The following SSTR4 variants were observed in gnomAD, a reference collection of about 807,000 sequenced individuals.
SSTR4 encodes somatostatin receptor 4, also known as somatostatin receptor type 4.
For missense variants in SSTR4, 649 were observed against 540.6 expected, an observed-to-expected ratio of 1.20 and a Z score of -1.99; for synonymous variants, 272 against 246.3, an observed-to-expected ratio of 1.10 and a Z score of -0.98.
In SSTR4 at chr20:23,036,217, C is replaced by A. The variant is rs35136964; in HGVS notation, c.734C>A (p.Ala245Asp). ...AAGATGCGCGCCGTGGCCCTGCGCGCTGGCTGGCAGCAGCGCAGGCGCTCG... is the reference window on the plus strand; with the variant it reads ...AAGATGCGCGCCGTGGCCCTGCGCGATGGCTGGCAGCAGCGCAGGCGCTCG... ...VGKMRAVALR[A>D]GWQQRRRSEK... Residue 245 changes from alanine to aspartate, a missense_variant, in exon 1 of 1, where the codon GCT becomes GAT. Coordinates refer to ENST00000255008, the MANE Select transcript of SSTR4 (RefSeq NM_001052.4). 2,267 of 1,613,770 alleles carry A rather than the reference C, an allele frequency of 1.4e-3. 4 individuals carry two copies. Among genetic ancestry groups the A allele is most frequent in the Non-Finnish European group, 1.7e-3 (2,038 of 1,179,934 alleles).
Position 23,035,837 on chromosome 20 carries a change from G to A in SSTR4, c.354G>A (p.Leu118=), listed in dbSNP as rs779989244. The A allele has an allele frequency of 6.9e-6, 11 of 1,599,062 alleles. No individual in the cohort carries two copies. The highest frequency in any genetic ancestry group is 1.3e-5 in the African/African-American group (1 of 74,662). Residue 118 remains leucine, a synonymous_variant, in exon 1 of 1, where the codon CTG becomes CTA. Coordinates refer to ENST00000255008, the MANE Select transcript of SSTR4 (RefSeq NM_001052.4). ...GCCACTGGCCCTTCGGCTCCGTGCT[G>A]TGCCGCGCGGTGCTCAGCGTCGACG... ...ALRHWPFGSV[L]CRAVLSVDGL...
chr20:23,038,221 A>G lies in SSTR4; in HGVS notation c.*1571A>G, dbSNP rs900775076. On this transcript the variant is annotated 3_prime_UTR_variant, in exon 1 of 1. Transcript: ENST00000255008. ...AAACTGCATTATTTCTTTGTTCCTC[A>G]GTGTCTGACAATGCCTGCCAGGATG... The G allele has an allele frequency of 6.6e-6, 1 of 152,100 alleles. No individual in the cohort carries two copies. Among genetic ancestry groups the G allele is most frequent in the Non-Finnish European group, 1.5e-5 (1 of 68,024 alleles). 9.4% of individuals were successfully genotyped at this position (152,100 alleles called of 1,614,324 possible).
rs761134345 is a variant in SSTR4, at chr20:23,035,967, G to A, written c.484G>A (p.Val162Met). 1.9e-6 allele frequency: 3 copies of A among 1,607,272 alleles called. No homozygotes were observed. The highest frequency in any genetic ancestry group is 1.7e-5 in the Admixed American group (1 of 59,694). ...LRAATYRRPSVAKLINLGVWL... is the reference protein window; with the variant it reads ...LRAATYRRPSMAKLINLGVWL... ...CGCGGCGACCTACCGGCGGCCCAGC[G>A]TGGCCAAGCTCATCAACCTGGGCGT... The change falls in exon 1 of 1, where the codon GTG (valine) becomes ATG (methionine). Residue 162 changes from valine (V) to methionine (M), a missense_variant. Transcript: ENST00000255008.
chr20:23,036,459 CT>C lies in SSTR4; in HGVS notation c.977del (p.Leu326ProfsTer145), dbSNP rs1984327814. On this transcript the variant is annotated frameshift_variant, in exon 1 of 1. Transcript: ENST00000255008. LOFTEE classifies it low-confidence loss of function (END_TRUNC). ...DNFRRFFQRV[L>X]CLRCCLLEGA... ...CTTCCGCCGATTCTTCCAGCGGGTT[CT>C]CTGCCTGCGCTGCTGCCTCCTGGAA... The C allele has an allele frequency of 6.2e-7, 1 of 1,613,624 alleles. No individual in the cohort carries two copies. The highest frequency in any genetic ancestry group is 1.7e-5 in the Admixed American group (1 of 59,976).
Position 23,036,745 on chromosome 20 carries a change from A to C in SSTR4, c.*95A>C. 1 of 1,360,132 alleles carries C rather than the reference A, an allele frequency of 7.4e-7. No homozygotes were observed. Among genetic ancestry groups the C allele is most frequent in the Non-Finnish European group, 1.0e-6 (1 of 998,178 alleles). The allele number at this position is 1,360,132 out of a possible 1,614,324, so 84.3% of individuals were successfully genotyped here. A position where few individuals can be genotyped will look rare whatever the true frequency, so the allele number is the denominator to read the frequency against. On this transcript the variant is annotated 3_prime_UTR_variant, in exon 1 of 1. Coordinates refer to ENST00000255008, the MANE Select transcript of SSTR4 (RefSeq NM_001052.4). Reference sequence around the variant, plus strand: ...GACTGCATCTCCTGAATGCTCACCTAAGCTCCACCACCTGTTCCTTCCAGC... The same window carrying C: ...GACTGCATCTCCTGAATGCTCACCTCAGCTCCACCACCTGTTCCTTCCAGC...
chr20:23,037,770 C>T lies in SSTR4; in HGVS notation c.*1120C>T, dbSNP rs932028829. Among the ~76,000 whole-genome samples, 42 of 152,332 alleles carry T rather than the reference C, an allele frequency of 2.8e-4. No individual in the cohort carries two copies. Among genetic ancestry groups the T allele is most frequent in the African/African-American group, 1.0e-3 (42 of 41,578 alleles). ...GAACTTGGAACACTTATGTTAGCAT[C>T]TGGTGTAACAACATAGGAACATGTA... On this transcript the variant is annotated 3_prime_UTR_variant, in exon 1 of 1. Coordinates refer to ENST00000255008, the MANE Select transcript of SSTR4 (RefSeq NM_001052.4).
rs1295792719 is a variant in SSTR4, at chr20:23,036,463, G to T, written c.980G>T (p.Cys327Phe). 6.2e-7 allele frequency: 1 copy of T among 1,613,584 alleles called. No homozygotes were observed. Among genetic ancestry groups the T allele is most frequent in the Non-Finnish European group, 8.5e-7 (1 of 1,179,804 alleles). Residue 327 changes from cysteine to phenylalanine, a missense_variant, in exon 1 of 1, where the codon TGC becomes TTC. Physicochemically the swap from Cys to Phe is radical, Grantham distance 205. Coordinates refer to ENST00000255008, the MANE Select transcript of SSTR4 (RefSeq NM_001052.4). The stretch of plus-strand genomic sequence containing the variant: ...CGCCGATTCTTCCAGCGGGTTCTCT[G>T]CCTGCGCTGCTGCCTCCTGGAAGGT... ...NFRRFFQRVLCLRCCLLEGAG... is the reference protein window; with the variant it reads ...NFRRFFQRVLFLRCCLLEGAG...
In SSTR4 at chr20:23,035,483, C is replaced by A; in HGVS notation, c.-1C>A. 9 of 1,519,302 alleles carry A rather than the reference C, an allele frequency of 5.9e-6. No homozygotes were observed. The highest frequency in any genetic ancestry group is 1.2e-5 in the South Asian group (1 of 80,982). The allele number at this position is 1,519,302 out of a possible 1,614,324, so 94.1% of individuals were successfully genotyped here. A position where few individuals can be genotyped will look rare whatever the true frequency, so the allele number is the denominator to read the frequency against. On this transcript the variant is annotated 5_prime_UTR_variant, in exon 1 of 1. Coordinates refer to ENST00000255008, the MANE Select transcript of SSTR4 (RefSeq NM_001052.4). Reference sequence around the variant, plus strand: ...GCTGCCCTGCGCCGGCACCCCTGGTCATGAGCGCCCCCTCGACGCTGCCCC... The same window carrying A: ...GCTGCCCTGCGCCGGCACCCCTGGTAATGAGCGCCCCCTCGACGCTGCCCC...
In SSTR4 at chr20:23,036,238, G is replaced by C; in HGVS notation, c.755G>C (p.Arg252Pro). Residue 252 changes from arginine (R) to proline (P), a missense_variant, in exon 1 of 1, where the codon CGC becomes CCC. Arg to Pro is a moderately radical substitution (Grantham distance 103, BLOSUM62 -2). Coordinates refer to ENST00000255008, the MANE Select transcript of SSTR4 (RefSeq NM_001052.4). ...CGCGCTGGCTGGCAGCAGCGCAGGC[G>C]CTCGGAGAAGAAAATCACCAGGCTG... ...ALRAGWQQRR[R>P]SEKKITRLVL... The C allele has an allele frequency of 6.2e-7, 1 of 1,614,064 alleles. No individual in the cohort carries two copies. The highest frequency in any genetic ancestry group is 8.5e-7 in the Non-Finnish European group (1 of 1,180,028).
chr20:23,035,789 C>A lies in SSTR4; in HGVS notation c.306C>A (p.Phe102Leu). ...ADELFMLSVP[F>L]VASSAALRHW... The stretch of plus-strand genomic sequence containing the variant: ...AGCTCTTCATGCTGAGCGTGCCCTT[C>A]GTGGCCTCGTCGGCCGCCCTGCGCC... Residue 102 changes from phenylalanine to leucine, a missense_variant, in exon 1 of 1, where the codon TTC (phenylalanine) becomes TTA (leucine). Coordinates refer to ENST00000255008, the MANE Select transcript of SSTR4 (RefSeq NM_001052.4). 6.3e-7 allele frequency: 1 copy of A among 1,594,362 alleles called. No homozygotes were observed. Among genetic ancestry groups the A allele is most frequent in the Non-Finnish European group, 8.6e-7 (1 of 1,169,328 alleles).
chr20:23,036,267 C>G lies in SSTR4; in HGVS notation c.784C>G (p.Leu262Val). The G allele has an allele frequency of 1.2e-6, 2 of 1,614,176 alleles. No homozygotes were observed. The highest frequency in any genetic ancestry group is 1.7e-6 in the Non-Finnish European group (2 of 1,180,034). Reference sequence around the variant, plus strand: ...GGAGAAGAAAATCACCAGGCTGGTGCTGATGGTCGTGGTCGTCTTTGTGCT... The same window carrying G: ...GGAGAAGAAAATCACCAGGCTGGTGGTGATGGTCGTGGTCGTCTTTGTGCT... ...RSEKKITRLV[L>V]MVVVVFVLCW... is the part of the protein sequence containing the mutation. Residue 262 changes from leucine (L) to valine (V), a missense_variant, in exon 1 of 1, where the codon CTG becomes GTG. Leu to Val is a conservative substitution (Grantham distance 32). Coordinates refer to ENST00000255008, the MANE Select transcript of SSTR4 (RefSeq NM_001052.4).
rs1428815733 is a variant in SSTR4, at chr20:23,035,568, C to G, written c.85C>G (p.Pro29Ala). The G allele has an allele frequency of 6.3e-6, 10 of 1,586,060 alleles. No homozygotes were observed. The highest frequency in any genetic ancestry group is 8.6e-6 in the Non-Finnish European group (10 of 1,168,878). Residue 29 changes from proline to alanine, a missense_variant, in exon 1 of 1, where the codon CCG (proline) becomes GCG (alanine). Coordinates refer to ENST00000255008, the MANE Select transcript of SSTR4 (RefSeq NM_001052.4). ...WPSAANASSA[P>A]AEAEEAVAGP... ...CTCTGCAGCCAATGCCAGTAGCGCT[C>G]CGGCGGAGGCGGAGGAGGCGGTGGC... is the stretch of plus-strand genomic sequence containing the variant.
At position 23,035,330 on chromosome 20, in the gene SSTR4, T is replaced by G; in HGVS notation, c.-154T>G. 1.2e-5 allele frequency: 6 copies of G among 508,828 alleles called. No homozygotes were observed. The highest frequency in any genetic ancestry group is 6.3e-4 in the Middle Eastern group (1 of 1,594). The allele number at this position is 508,828 out of a possible 1,614,324, so 31.5% of individuals were successfully genotyped here. On this transcript the variant is annotated 5_prime_UTR_variant, in exon 1 of 1. Coordinates refer to ENST00000255008, the MANE Select transcript of SSTR4 (RefSeq NM_001052.4). ...CGCGGTGGGGCGCGCGGCGCGGGGATTGGCGGGCGCTCCCCGGTGCCCGCA... is the reference window on the plus strand; with the variant it reads ...CGCGGTGGGGCGCGCGGCGCGGGGAGTGGCGGGCGCTCCCCGGTGCCCGCA...
Position 23,035,334 on chromosome 20 carries a change from C to A in SSTR4, c.-150C>A. On this transcript the variant is annotated 5_prime_UTR_variant, in exon 1 of 1. Transcript: ENST00000255008. Reference sequence around the variant, plus strand: ...GTGGGGCGCGCGGCGCGGGGATTGGCGGGCGCTCCCCGGTGCCCGCAGCTC... The same window carrying A: ...GTGGGGCGCGCGGCGCGGGGATTGGAGGGCGCTCCCCGGTGCCCGCAGCTC... The A allele has an allele frequency of 1.8e-6, 1 of 550,272 alleles. No individual in the cohort carries two copies. The highest frequency in any genetic ancestry group is 2.6e-6 in the Non-Finnish European group (1 of 380,268). 34.1% of individuals were successfully genotyped at this position (550,272 alleles called of 1,614,324 possible).
At position 23,036,015 on chromosome 20, in the gene SSTR4, A is replaced by C; in HGVS notation, c.532A>C (p.Thr178Pro). The change falls in exon 1 of 1, where the codon ACT (threonine) becomes CCT (proline). Residue 178 changes from threonine to proline, a missense_variant. Physicochemically the swap from Thr to Pro is conservative, Grantham distance 38. Coordinates refer to ENST00000255008, the MANE Select transcript of SSTR4 (RefSeq NM_001052.4). ...CGTGTGGCTGGCATCCCTGTTGGTC[A>C]CTCTCCCCATCGCCATCTTCGCAGA... is the stretch of plus-strand genomic sequence containing the variant. ...LGVWLASLLV[T>P]LPIAIFADTR... The C allele has an allele frequency of 1.3e-6, 2 of 1,592,664 alleles. No individual in the cohort carries two copies. The highest frequency in any genetic ancestry group is 1.7e-6 in the Non-Finnish European group (2 of 1,174,306).
At position 23,036,793 on chromosome 20, in the gene SSTR4, T is replaced by A. The variant is rs1984342664; in HGVS notation, c.*143T>A. The A allele has an allele frequency of 4.3e-6, 4 of 933,452 alleles. No individual in the cohort carries two copies. The highest frequency in any genetic ancestry group is 1.6e-6 in the Non-Finnish European group (1 of 634,482). The allele number at this position is 933,452 out of a possible 1,614,324, so 57.8% of individuals were successfully genotyped here. A position where few individuals can be genotyped will look rare whatever the true frequency, so the allele number is the denominator to read the frequency against. Reference sequence around the variant, plus strand: ...AGCAGCCCATGTACCTGCCGGAGAGTGTCAGAACTCTTCTGCTGCTCTCCT... The same window carrying A: ...AGCAGCCCATGTACCTGCCGGAGAGAGTCAGAACTCTTCTGCTGCTCTCCT... On this transcript the variant is annotated 3_prime_UTR_variant, in exon 1 of 1. Coordinates refer to ENST00000255008, the MANE Select transcript of SSTR4 (RefSeq NM_001052.4).
Position 23,036,702 on chromosome 20 carries a change from C to G in SSTR4, c.*52C>G, listed in dbSNP as rs1600405162. ...TGGCCACCTCCCAAGGGGTGGGCAC[C>G]ATTCCTACAGCCCCGAAGACTGCAT... On this transcript the variant is annotated 3_prime_UTR_variant, in exon 1 of 1. Coordinates refer to ENST00000255008, the MANE Select transcript of SSTR4 (RefSeq NM_001052.4). 6 of 1,507,686 alleles carry G rather than the reference C, an allele frequency of 4.0e-6. No homozygotes were observed. The East Asian group carries it at 1.4e-4, about 34-fold the overall frequency. The allele number at this position is 1,507,686 out of a possible 1,614,324, so 93.4% of individuals were successfully genotyped here.
rs1421398691 is a variant in SSTR4 at position 23,035,564 on chromosome 20, C to T, written c.81C>T (p.Ser27=). The T allele has an allele frequency of 1.9e-6, 3 of 1,590,260 alleles. No individual in the cohort carries two copies. Among genetic ancestry groups the T allele is most frequent in the Non-Finnish European group, 2.6e-6 (3 of 1,170,840 alleles). The change falls in exon 1 of 1, where the codon AGC becomes AGT. Residue 27 remains serine (S), a synonymous_variant. Coordinates refer to ENST00000255008, the MANE Select transcript of SSTR4 (RefSeq NM_001052.4). ...TAWPSAANAS[S]APAEAEEAVA... is the part of the protein sequence containing the mutation. ...GGCCCTCTGCAGCCAATGCCAGTAGCGCTCCGGCGGAGGCGGAGGAGGCGG... is the reference window on the plus strand; with the variant it reads ...GGCCCTCTGCAGCCAATGCCAGTAGTGCTCCGGCGGAGGCGGAGGAGGCGG...
Position 23,038,609 on chromosome 20 carries a change from C to A in SSTR4, c.*1959C>A, listed in dbSNP as rs1376095489. Among the ~76,000 whole-genome samples the A allele has an allele frequency of 6.6e-6, 1 of 152,228 alleles. No individual in the cohort carries two copies. The highest frequency in any genetic ancestry group is 1.5e-5 in the Non-Finnish European group (1 of 68,048). On this transcript the variant is annotated 3_prime_UTR_variant, in exon 1 of 1. Coordinates refer to ENST00000255008, the MANE Select transcript of SSTR4 (RefSeq NM_001052.4). ...AGGCAGGACACCTCAGCCTCAGCTA[C>A]CCCGTGAGCAGTGATTTAACCTCTC...
Sources: allele counts gnomAD v4.1 joint callset (sites outside exome capture counted in the v4.1 genomes callset), GRCh38; gene constraint gnomAD v4.1.1; transcripts MANE v1.5; gene names NCBI Gene and HGNC (gene_info 2026-07-23, HGNC 2026-07-21).